STXBP5L: variants seen among roughly 807,000 people sequenced by gnomAD.
The protein encoded by STXBP5L is syntaxin binding protein 5L.
Under a neutral mutation model 144.5 loss-of-function variants are expected in STXBP5L, and 65 were observed. The observed-to-expected ratio is 0.45, with a 90% confidence interval of 0.37 to 0.55. The LOEUF is 0.55. STXBP5L is among the 20% of genes least tolerant of loss of function. The pLI is 0.00. For missense variants in STXBP5L, 1,298 were observed against 1,405.5 expected (o/e 0.92, Z 1.22); for synonymous variants, 505 against 469.6 (o/e 1.08, Z -0.97).
chr3:121,192,866 A>G (rs1322943388), intron 9 of STXBP5L, among the ~76,000 whole-genome samples: 3 of 152,158 alleles, frequency 2.0e-5, no homozygotes, highest in Non-Finnish European at 2.9e-5. Context: ...AACCATAAAA[A>G]CCCTAGAAGA....
intron 7 of STXBP5L, among the ~76,000 whole-genome samples, chr3:121,138,378 T>C (rs2045354700): frequency 6.6e-6 from 1 of 152,050 alleles, no homozygotes; most frequent in African/African-American, 2.4e-5. Context: ...AAAATACCAA[T>C]ACCATTCTTC....
At chr3:121,352,644 T>C (rs989389816) in intron 20 of STXBP5L, among the ~76,000 whole-genome samples, 5 of 152,044 alleles carry the variant, frequency 3.3e-5, no homozygotes, top group Non-Finnish European at 7.4e-5. Context: ...ACAATTTGAC[T>C]CTTCTTTTCC....
At position 120,990,412 on chromosome 3, in the gene STXBP5L, C is replaced by T. The variant is rs1942726242; in HGVS notation, c.287+35375C>T. On this transcript the variant is annotated intron_variant, in intron 3 of 26. Coordinates refer to ENST00000471454, the MANE Select transcript of STXBP5L (RefSeq NM_001308330.2). Reference sequence around the variant, plus strand: ...GTAATTTATAGATTCAATGCCATCCCCATCAAGCTACCAATGACTTTCTTC... The same window carrying T: ...GTAATTTATAGATTCAATGCCATCCTCATCAAGCTACCAATGACTTTCTTC... Among the ~76,000 whole-genome samples, 4 of 152,252 alleles carry T rather than the reference C, an allele frequency of 2.6e-5. No individual in the cohort carries two copies. In the South Asian group the frequency reaches 8.3e-4, roughly 32 times the overall value.
chr3:121,409,566 C>T (rs755381013), intron 23 of STXBP5L, among the ~76,000 whole-genome samples: 5 of 151,854 alleles, frequency 3.3e-5, no homozygotes, highest in African/African-American at 9.7e-5. Flanking sequence ...CAAAATCGAC[C>T]TCCATTCCCC....
At chr3:121,294,773 G>T (rs2051582233) in intron 19 of STXBP5L, among the ~76,000 whole-genome samples, 1 of 151,998 alleles carries the variant, frequency 6.6e-6, no homozygotes, top group Admixed American at 6.6e-5. Context: ...GACCTTCACA[G>T]AAGAAAAAAC....
intron 7 of STXBP5L, among the ~76,000 whole-genome samples, chr3:121,140,216 C>T (rs148579669): frequency 4.9e-4 from 74 of 152,108 alleles, no homozygotes; most frequent in African/African-American, 1.7e-3. Flanking sequence ...TGAGCTATCA[C>T]CTCACCTCAT....
At chr3:120,952,802 A>T (rs914464128) in intron 2 of STXBP5L, among the ~76,000 whole-genome samples, 5 of 151,964 alleles carry the variant, frequency 3.3e-5, no homozygotes, top group African/African-American at 4.8e-5. Context: ...TACAATTTTT[A>T]AAATTTTTTC....
chr3:121,064,024 G>T (rs139300229), intron 5 of STXBP5L, among the ~76,000 whole-genome samples: 1 of 152,112 alleles, frequency 6.6e-6, no homozygotes, highest in Non-Finnish European at 1.5e-5. Context: ...CATTCCAAGC[G>T]CCACTGAGGT....
chr3:120,979,250 G>A (rs921318342), intron 3 of STXBP5L, among the ~76,000 whole-genome samples: 1 of 152,216 alleles, frequency 6.6e-6, no homozygotes, highest in Non-Finnish European at 1.5e-5. Flanking sequence ...CCTGGGCAAT[G>A]GCAGGTGCCC....
At chr3:120,955,970 G>A (rs1055133658) in intron 3 of STXBP5L, among the ~76,000 whole-genome samples, 2 of 151,964 alleles carry the variant, frequency 1.3e-5, no homozygotes, top group Non-Finnish European at 2.9e-5. Flanking sequence ...TGTATCAATA[G>A]TTTATTCCTT....
chr3:121,061,143 C>T (rs948330943), intron 5 of STXBP5L, among the ~76,000 whole-genome samples: 1 of 152,086 alleles, frequency 6.6e-6, no homozygotes, highest in African/African-American at 2.4e-5. Flanking sequence ...ACTGCTTTAG[C>T]TGTGTCCCAG....
chr3:121,332,420 A>C lies in STXBP5L; in HGVS notation c.2176+13880A>C, dbSNP rs562889950. ...GATAGATATTTTCAAAAAAAAAAAA[A>C]AAAACCAGAACTTCTGGAAATGAAA... On this transcript the variant is annotated intron_variant, in intron 20 of 26. Transcript: ENST00000471454. 6.3e-4 allele frequency among the ~76,000 whole-genome samples: 96 copies of C among 151,486 alleles called. 1 individual carries two copies. The South Asian group carries it at 0.019, about 31-fold the overall frequency.
intron 2 of STXBP5L, among the ~76,000 whole-genome samples, chr3:120,934,763 A>AT (rs1710171957): frequency 6.6e-6 from 1 of 151,504 alleles, no homozygotes; most frequent in Admixed American, 6.6e-5. Context: ...TATCCTTGGT[A>AT]TTTTTTTTCC....
In STXBP5L at chr3:121,413,286, G is replaced by A. The variant is rs761215215; in HGVS notation, c.3077G>A (p.Arg1026Gln). The change falls in exon 24 of 27, where the codon CGG (arginine) becomes CAG (glutamine). Residue 1026 changes from arginine (R) to glutamine (Q), a missense_variant. By Grantham distance (43) the Arg-to-Gln change is conservative. Transcript: ENST00000471454. ...LYLVSPTEIQ[R>Q]LTYSQEMCDN... ...CTCGTCTCTCCTACTGAAATTCAGC[G>A]GTTAACATACAGCCAAGAAATGTGT... 2.2e-5 allele frequency: 35 copies of A among 1,594,548 alleles called. No homozygotes were observed. Among genetic ancestry groups the A allele is most frequent in the East Asian group, 9.1e-5 (4 of 43,840 alleles).
intron 5 of STXBP5L, among the ~76,000 whole-genome samples, chr3:121,058,873 C>A (rs1948632361): frequency 6.6e-6 from 1 of 152,070 alleles, no homozygotes; most frequent in African/African-American, 2.4e-5. Context: ...TGGATATTAG[C>A]CTTTGTCAAA....
At chr3:121,203,844 G>A (rs1400947437) in intron 9 of STXBP5L, among the ~76,000 whole-genome samples, 2 of 152,146 alleles carry the variant, frequency 1.3e-5, no homozygotes, top group African/African-American at 4.8e-5. Context: ...AAACTAAGGG[G>A]AGTGGATCTC....
At chr3:121,370,380 T>G (rs2045995172) in intron 20 of STXBP5L, among the ~76,000 whole-genome samples, 2 of 152,186 alleles carry the variant, frequency 1.3e-5, no homozygotes, top group East Asian at 1.9e-4. Context: ...AAAAAGTGTA[T>G]AGCACCTCCC....
chr3:121,289,880 C>A (rs1422871927), intron 19 of STXBP5L, among the ~76,000 whole-genome samples: 1 of 151,934 alleles, frequency 6.6e-6, no homozygotes, highest in Admixed American at 6.6e-5. Flanking sequence ...GTGGCACAAC[C>A]TATCAAAACC....
intron 3 of STXBP5L, among the ~76,000 whole-genome samples, chr3:121,008,707 A>G (rs983249291): frequency 6.6e-6 from 1 of 152,004 alleles, no homozygotes; most frequent in Non-Finnish European, 1.5e-5. Context: ...TACTACTAGT[A>G]TATTCAATGG....
Sources: allele counts gnomAD v4.1 joint callset (sites outside exome capture counted in the v4.1 genomes callset), GRCh38; gene constraint gnomAD v4.1.1; transcripts MANE v1.5; gene names NCBI Gene and HGNC (gene_info 2026-07-23, HGNC 2026-07-21).